The following CA10 variants were observed in gnomAD, a reference collection of about 807,000 sequenced individuals.
CA10 encodes the protein carbonic anhydrase 10 (inactive), also known as carbonic anhydrase-related protein 10.
CA10 carries 14 observed loss-of-function variants against 44.2 expected under a neutral mutation model. The observed-to-expected ratio is 0.32, with a 90% CI of 0.21 to 0.50. The LOEUF (loss-of-function observed/expected upper bound fraction) is 0.50, where lower values mean the gene tolerates loss of function less well. CA10 is among the 20% of genes least tolerant of loss of function. The pLI is 0.99. For synonymous variants in CA10, 159 were observed against 141.6 expected, an observed-to-expected ratio of 1.12 and a Z score of -0.87; for missense variants, 350 against 409.7, an observed-to-expected ratio of 0.85 and a Z score of 1.26.
At chr17:51,870,313 A>G (rs1469083015) in intron 3 of CA10, among the ~76,000 whole-genome samples, 2 of 152,372 alleles carry the variant, frequency 1.3e-5, no homozygotes, top group African/African-American at 4.8e-5. Context: ...TATTTTGCCC[A>G]TCATGAAAGA....
chr17:52,062,753 C>A (rs975901119), intron 2 of CA10, among the ~76,000 whole-genome samples: 1 of 152,174 alleles, frequency 6.6e-6, no homozygotes, highest in Non-Finnish European at 1.5e-5. Flanking sequence ...AGCTGCCAAG[C>A]CTGTAGATTT....
chr17:52,124,613 C>G (rs1430935611), intron 1 of CA10, among the ~76,000 whole-genome samples: 3 of 152,196 alleles, frequency 2.0e-5, no homozygotes, highest in Admixed American at 1.3e-4. Context: ...TCTGACTTTC[C>G]TGCTTTTTTC....
At chr17:51,635,754 T>C in intron 7 of CA10, 101 bp downstream of exon 7, 1 of 882,026 alleles carries the variant, frequency 1.1e-6, no homozygotes, top group Non-Finnish European at 1.7e-6. Context: ...GACTTTGTTA[T>C]AGTGGTCCTA....
At position 51,918,528 on chromosome 17, in the gene CA10, T is replaced by A. The variant is rs73987312; in HGVS notation, c.279+12462A>T. On this transcript the variant is annotated intron_variant, in intron 3 of 8. Transcript: ENST00000451037. ...ACTGGTAAAAATGAAATCATGTACC[T>A]TCATCTTATGATATTGTATGTAAAT... is the stretch of plus-strand genomic sequence containing the variant. Among the ~76,000 whole-genome samples, 1,088 of 152,302 alleles carry A rather than the reference T, an allele frequency of 7.1e-3. 16 individuals are homozygous for A. Among genetic ancestry groups the A allele is most frequent in the African/African-American group, 0.025 (1,027 of 41,558 alleles).
intron 2 of CA10, among the ~76,000 whole-genome samples, chr17:52,048,422 C>A (rs1446540678): frequency 6.6e-6 from 1 of 151,952 alleles, no homozygotes; most frequent in Non-Finnish European, 1.5e-5. Context: ...GGCAGTATAG[C>A]GGGTGGAAAG....
chr17:51,797,850 C>CAA (rs58344941), intron 3 of CA10, among the ~76,000 whole-genome samples: 17,332 of 73,552 alleles, frequency 0.24, 3,036 homozygotes, highest in East Asian at 0.38. Flanking sequence ...GGCTCCATCT[C>CAA]AAAAAAAAAA....
intron 4 of CA10, among the ~76,000 whole-genome samples, chr17:51,698,747 C>T (rs926014148): frequency 1.3e-5 from 2 of 152,230 alleles, no homozygotes; most frequent in African/African-American, 4.8e-5. Context: ...GTAACCACCA[C>T]CTACTCTCTG....
At chr17:52,061,573 G>A (rs1987386176) in intron 2 of CA10, among the ~76,000 whole-genome samples, 2 of 152,144 alleles carry the variant, frequency 1.3e-5, no homozygotes, top group South Asian at 4.1e-4. Flanking sequence ...GACCTAGTGG[G>A]AGGTGATTGG....
intron 3 of CA10, among the ~76,000 whole-genome samples, chr17:51,860,900 T>C (rs1979273320): frequency 6.6e-6 from 1 of 152,016 alleles, no homozygotes; most frequent in Non-Finnish European, 1.5e-5. Context: ...TTACACTAAG[T>C]ATTTGACTTA....
At position 51,873,866 on chromosome 17, in the gene CA10, C is replaced by T. The variant is rs73989429; in HGVS notation, c.279+57124G>A. 7.2e-3 allele frequency among the ~76,000 whole-genome samples: 1,098 copies of T among 152,276 alleles called. 16 individuals are homozygous for T. The highest frequency in any genetic ancestry group is 0.025 in the African/African-American group (1,019 of 41,554). On this transcript the variant is annotated intron_variant, in intron 3 of 8. Transcript: ENST00000451037. ...TTTCACTGCCTAAAATGACCAAAAA[C>T]GTGTTTGTGTTCTGCAACTAGACCC...
chr17:51,695,526 T>C (rs565182606), intron 4 of CA10, among the ~76,000 whole-genome samples: 4 of 152,338 alleles, frequency 2.6e-5, no homozygotes, highest in Admixed American at 2.0e-4. Flanking sequence ...TTTTGTATCC[T>C]GAAACCTCAC....
chr17:51,668,381 C>T (rs1292683652), intron 4 of CA10, among the ~76,000 whole-genome samples: 4 of 152,344 alleles, frequency 2.6e-5, no homozygotes, highest in African/African-American at 4.8e-5. Flanking sequence ...CATCTTCCTG[C>T]CCACTTCCTT....
At chr17:52,099,584 T>C (rs1198678993) in intron 1 of CA10, among the ~76,000 whole-genome samples, 1 of 152,146 alleles carries the variant, frequency 6.6e-6, no homozygotes, top group East Asian at 1.9e-4. Context: ...TCATGGTAAG[T>C]TTCAGATGGC....
chr17:52,130,426 A>T (rs1329512960), intron 1 of CA10, among the ~76,000 whole-genome samples: 1 of 152,200 alleles, frequency 6.6e-6, no homozygotes, highest in Non-Finnish European at 1.5e-5. Flanking sequence ...TTGATGAATG[A>T]ATAAAGAAAT....
intron 3 of CA10, among the ~76,000 whole-genome samples, chr17:51,864,326 T>G (rs1979449935): frequency 6.6e-6 from 1 of 152,156 alleles, no homozygotes; most frequent in South Asian, 2.1e-4. Flanking sequence ...ACATGGTAAG[T>G]GGTCCATAAA....
intron 3 of CA10, among the ~76,000 whole-genome samples, chr17:51,911,811 C>A (rs1208279778): frequency 6.6e-6 from 1 of 152,104 alleles, no homozygotes. Context: ...TATTCTTCAA[C>A]CTAGCTTGGC....
chr17:51,677,995 T>C (rs1295745056), intron 4 of CA10, among the ~76,000 whole-genome samples: 1 of 151,364 alleles, frequency 6.6e-6, no homozygotes, highest in Non-Finnish European at 1.5e-5. Flanking sequence ...ACAACCCAAA[T>C]GTCCATCAAT....
intron 1 of CA10, among the ~76,000 whole-genome samples, chr17:52,127,796 A>G (rs1436084775): frequency 2.6e-5 from 4 of 152,222 alleles, no homozygotes; most frequent in African/African-American, 4.8e-5. Flanking sequence ...AAGATGTGAC[A>G]TGCTCACAAT....
At chr17:52,123,371 G>GGTGTGTGTGT (rs34184028) in intron 1 of CA10, among the ~76,000 whole-genome samples, 6,000 of 146,260 alleles carry the variant, frequency 0.041, 254 homozygotes, top group Middle Eastern at 0.15. Flanking sequence ...ATATATATGG[G>GGTGTGTGTGT]GTGTGTGTGT....
Sources: gnomAD v4.1 joint callset for allele counts (sites outside exome capture counted in the v4.1 genomes callset) on GRCh38, gnomAD v4.1.1 for gene constraint, MANE v1.5 for transcripts, NCBI Gene and HGNC (gene_info 2026-07-23, HGNC 2026-07-21) for gene names.